The following MAF variants were observed in gnomAD, a reference collection of about 807,000 sequenced individuals.
MAF encodes the protein MAF bZIP transcription factor.
MAF carries 10 observed loss-of-function variants against 22.0 expected under a neutral mutation model. That is an observed-to-expected ratio of 0.45 (90% CI 0.28 to 0.77). MAF has a LOEUF of 0.77. MAF is among the 30% of genes least tolerant of loss of function. MAF has a pLI of 0.12. For missense variants in MAF, 544 were observed against 548.4 expected (o/e 0.99, Z 0.08); for synonymous variants, 337 against 255.8 (o/e 1.32, Z -3.03).
the MAF span, among the ~76,000 whole-genome samples, chr16:79,563,818 C>T: frequency 6.6e-6 from 1 of 152,002 alleles, no homozygotes; most frequent in South Asian, 2.1e-4. Flanking sequence ...ATATCTGATT[C>T]CTTACACTCA....
the MAF span, chr16:79,212,214 A>G: frequency 4.5e-5 from 65 of 1,437,608 alleles, no homozygotes; most frequent in Non-Finnish European, 5.5e-5. Context: ...GGGAAGAAAA[A>G]GCAAGTGTTC....
chr16:79,347,928 C>T, the MAF span, among the ~76,000 whole-genome samples: 12 of 152,090 alleles, frequency 7.9e-5, no homozygotes, highest in South Asian at 2.1e-4. Context: ...TATGAGTGTG[C>T]GTGCATCTAT....
chr16:79,354,637 T>A, the MAF span, among the ~76,000 whole-genome samples: 1 of 152,144 alleles, frequency 6.6e-6, no homozygotes, highest in African/African-American at 2.4e-5. Flanking sequence ...ACAAAAGGGA[T>A]TGGTACTGGG....
At chr16:79,350,690 G>C in the MAF span, among the ~76,000 whole-genome samples, 1 of 152,228 alleles carries the variant, frequency 6.6e-6, no homozygotes, top group Non-Finnish European at 1.5e-5. Context: ...CAAGATAGAA[G>C]AGGCCTGGGC....
chr16:79,560,347 A>C, the MAF span, among the ~76,000 whole-genome samples: 2 of 152,118 alleles, frequency 1.3e-5, no homozygotes, highest in Non-Finnish European at 2.9e-5. Context: ...GTAAGCCTCC[A>C]TCTGGACATT....
At chr16:79,357,790 T>A in the MAF span, among the ~76,000 whole-genome samples, 1 of 152,036 alleles carries the variant, frequency 6.6e-6, no homozygotes, top group East Asian at 1.9e-4. Context: ...CCACAAAAGA[T>A]CCCATTCTCC....
At chr16:79,443,516 A>C in the MAF span, among the ~76,000 whole-genome samples, 1 of 152,228 alleles carries the variant, frequency 6.6e-6, no homozygotes, top group Non-Finnish European at 1.5e-5. Context: ...ACATTGCTGG[A>C]GGGAGAATAT....
At chr16:79,276,636 T>C in the MAF span, among the ~76,000 whole-genome samples, 2 of 152,202 alleles carry the variant, frequency 1.3e-5, no homozygotes, top group African/African-American at 4.8e-5. Context: ...CAGAGGTCAC[T>C]GCACTGGGAT....
the MAF span, among the ~76,000 whole-genome samples, chr16:79,309,223 C>T: frequency 1.3e-5 from 2 of 152,162 alleles, no homozygotes; most frequent in Non-Finnish European, 2.9e-5. Context: ...GGGAGTTTCC[C>T]TGTTAATTCG....
the MAF span, among the ~76,000 whole-genome samples, chr16:79,570,876 G>A: frequency 2.6e-5 from 4 of 152,196 alleles, no homozygotes; most frequent in South Asian, 2.1e-4. Flanking sequence ...AATGCTGAGC[G>A]TAAGGAGGAA....
the MAF span, among the ~76,000 whole-genome samples, chr16:79,242,640 A>G: frequency 6.8e-3 from 1,035 of 152,128 alleles, 12 homozygotes; most frequent in Middle Eastern, 0.024. Flanking sequence ...TATGAGACAG[A>G]TCAATGAGAC....
At chr16:79,427,816 G>A in the MAF span, among the ~76,000 whole-genome samples, 4 of 152,112 alleles carry the variant, frequency 2.6e-5, no homozygotes, top group Non-Finnish European at 4.4e-5. Flanking sequence ...ATTAGACCAT[G>A]CACGGCCTCC....
At chr16:79,383,105 G>A in the MAF span, among the ~76,000 whole-genome samples, 1 of 152,106 alleles carries the variant, frequency 6.6e-6, no homozygotes, top group Admixed American at 6.5e-5. Flanking sequence ...TTGATAAAAT[G>A]TAAACCACTG....
the MAF span, among the ~76,000 whole-genome samples, chr16:79,371,390 G>T: frequency 1.3e-5 from 2 of 152,182 alleles, no homozygotes; most frequent in South Asian, 2.1e-4. Context: ...AGGGGACACA[G>T]ACGCCTCCTC....
the MAF span, among the ~76,000 whole-genome samples, chr16:79,346,831 T>A: frequency 6.6e-6 from 1 of 152,192 alleles, no homozygotes; most frequent in African/African-American, 2.4e-5. Context: ...TACCGTCCTT[T>A]TGCACTTTTT....
the MAF span, among the ~76,000 whole-genome samples, chr16:79,321,569 G>A: frequency 6.6e-6 from 1 of 152,034 alleles, no homozygotes; most frequent in African/African-American, 2.4e-5. Flanking sequence ...TCAGCAGAGG[G>A]AAAGGCATCA....
chr16:79,380,594 G>C, the MAF span, among the ~76,000 whole-genome samples: 3 of 152,122 alleles, frequency 2.0e-5, no homozygotes, highest in Admixed American at 6.6e-5. Context: ...CATTATCATG[G>C]TTTGTGATGC....
the MAF span, among the ~76,000 whole-genome samples, chr16:79,296,647 G>T: frequency 6.6e-6 from 1 of 150,824 alleles, no homozygotes; most frequent in Non-Finnish European, 1.5e-5. Context: ...TTACTTCCCG[G>T]ATCTTCAAGT....
chr16:79,437,914 G>A, the MAF span, among the ~76,000 whole-genome samples: 1 of 152,108 alleles, frequency 6.6e-6, no homozygotes, highest in South Asian at 2.1e-4. Flanking sequence ...CAGGCGGGAG[G>A]TTTCCGCCTC....
Sources: allele counts gnomAD v4.1 joint callset (sites outside exome capture counted in the v4.1 genomes callset), GRCh38; gene constraint gnomAD v4.1.1; transcripts MANE v1.5; gene names NCBI Gene and HGNC (gene_info 2026-07-23, HGNC 2026-07-21).